MEGF11: variants seen among roughly 807,000 people sequenced by gnomAD.
The protein encoded by MEGF11 is multiple epidermal growth factor-like domains protein 11.
A neutral mutation model predicts 146.6 loss-of-function variants in MEGF11; 126 were observed. The observed-to-expected ratio is 0.86, with a 90% CI of 0.74 to 1.00. The LOEUF (loss-of-function observed/expected upper bound fraction) is 1.00. Among genes scored for constraint, MEGF11 ranks in the 50% least tolerant of loss-of-function variants. MEGF11 has a pLI of 0.00. For synonymous variants in MEGF11, 532 were observed against 583.4 expected (o/e 0.91, Z 1.27); for missense variants, 1,509 against 1,521.2 (o/e 0.99, Z 0.13).
chr15:66,167,565 A>G (rs2090130708), intron 1 of MEGF11, among the ~76,000 whole-genome samples: 1 of 152,158 alleles, frequency 6.6e-6, no homozygotes, highest in African/African-American at 2.4e-5. Flanking sequence ...GAATCGCTTG[A>G]ACCCGGGAGG....
In MEGF11 at chr15:65,957,538, C is replaced by G; in HGVS notation, c.1287+9G>C. The G allele has an allele frequency of 6.2e-7, 1 of 1,611,620 alleles. No individual in the cohort carries two copies. Among genetic ancestry groups the G allele is most frequent in the Non-Finnish European group, 8.5e-7 (1 of 1,179,014 alleles). ...TCAGGAAGGCCACGGGAGGCCCCTC[C>G]CATCTTACCATGAAGCCCGGAGCAC... On this transcript the variant is annotated intron_variant, in intron 10 of 25. Transcript: ENST00000395614.
chr15:65,964,865 AC>A (rs2141559268), intron 9 of MEGF11, 42 bp downstream of exon 9: 8 of 1,491,178 alleles, frequency 5.4e-6, no homozygotes, highest in Non-Finnish European at 5.4e-6. Context: ...CTACCTGAGC[AC>A]CCCCCGCCCT....
chr15:65,940,878 G>A (rs1204449794), intron 10 of MEGF11, among the ~76,000 whole-genome samples: 1 of 152,236 alleles, frequency 6.6e-6, no homozygotes, highest in Non-Finnish European at 1.5e-5. Context: ...GTGATCTGAG[G>A]TTACTCTGTG....
At chr15:66,096,761 G>T (rs1658107615) in intron 4 of MEGF11, among the ~76,000 whole-genome samples, 1 of 152,154 alleles carries the variant, frequency 6.6e-6, no homozygotes, top group Admixed American at 6.5e-5. Flanking sequence ...CCTGCCCCCT[G>T]CTCCCGATCC....
chr15:66,242,395 T>G (rs1278974540), intron 1 of MEGF11, among the ~76,000 whole-genome samples: 4 of 135,214 alleles, frequency 3.0e-5, no homozygotes, highest in Non-Finnish European at 4.7e-5. Flanking sequence ...AGCAGCAGAG[T>G]GAGACTCTGT....
In MEGF11 at chr15:66,016,548, C is replaced by T. The variant is rs116676692; in HGVS notation, c.395-34060G>A. 3.4e-3 allele frequency among the ~76,000 whole-genome samples: 508 copies of T among 150,552 alleles called. 2 individuals carry two copies. The highest frequency in any genetic ancestry group is 0.012 in the African/African-American group (487 of 40,826). On this transcript the variant is annotated intron_variant, in intron 5 of 25. Coordinates refer to ENST00000395614, the MANE Select transcript of MEGF11 (RefSeq NM_001385028.1). ...ACACAGTGTCTCCTCTTAGCAACGC[C>T]CTTGACAACCTGCAACACCGACAAA...
At chr15:66,246,062 A>G (rs2092292359) in intron 1 of MEGF11, among the ~76,000 whole-genome samples, 1 of 151,914 alleles carries the variant, frequency 6.6e-6, no homozygotes, top group South Asian at 2.1e-4. Context: ...GGAGTTCGAG[A>G]CCAGGCCAAC....
At chr15:66,174,310 T>C (rs956373414) in intron 1 of MEGF11, among the ~76,000 whole-genome samples, 1 of 152,166 alleles carries the variant, frequency 6.6e-6, no homozygotes, top group Non-Finnish European at 1.5e-5. Flanking sequence ...TGTTCTATTA[T>C]AAACCTCTGG....
chr15:66,052,291 G>A (rs945354948), intron 5 of MEGF11, among the ~76,000 whole-genome samples: 1 of 152,164 alleles, frequency 6.6e-6, no homozygotes, highest in Non-Finnish European at 1.5e-5. Context: ...CAGGATGGAT[G>A]GTAAATGATG....
At chr15:66,160,099 A>C (rs2089897810) in intron 1 of MEGF11, among the ~76,000 whole-genome samples, 1 of 152,184 alleles carries the variant, frequency 6.6e-6, no homozygotes, top group African/African-American at 2.4e-5. Flanking sequence ...CCAGCCCCAA[A>C]GGCTGAGTTA....
At chr15:66,209,378 C>A (rs993173832) in intron 1 of MEGF11, among the ~76,000 whole-genome samples, 4 of 151,772 alleles carry the variant, frequency 2.6e-5, no homozygotes, top group African/African-American at 9.7e-5. Flanking sequence ...AAACTAAACA[C>A]GCAAGTACCA....
At chr15:65,957,500 G>T in intron 10 of MEGF11, 47 bp downstream of exon 10, 1 of 1,572,286 alleles carries the variant, frequency 6.4e-7, no homozygotes. Flanking sequence ...GAGGGGAACT[G>T]GCCCGGTGGA....
chr15:65,917,610 G>A (rs953956165), intron 16 of MEGF11, among the ~76,000 whole-genome samples: 4 of 152,230 alleles, frequency 2.6e-5, no homozygotes, highest in South Asian at 4.2e-4. Flanking sequence ...GTGGCTGCCC[G>A]GGCCTCATCT....
intron 4 of MEGF11, among the ~76,000 whole-genome samples, chr15:66,113,368 T>G (rs2087539141): frequency 6.6e-6 from 1 of 152,166 alleles, no homozygotes. Flanking sequence ...GCCTCTGGCA[T>G]TCCAAGCCAC....
chr15:65,944,221 T>G (rs1038079313), intron 10 of MEGF11, among the ~76,000 whole-genome samples: 19 of 152,086 alleles, frequency 1.2e-4, no homozygotes, highest in African/African-American at 4.6e-4. Context: ...AGCTTTCTGT[T>G]TAGTAGATGG....
chr15:66,160,871 G>C (rs903257909), intron 1 of MEGF11, among the ~76,000 whole-genome samples: 1 of 152,164 alleles, frequency 6.6e-6, no homozygotes, highest in Admixed American at 6.5e-5. Context: ...CTAGAAGCAG[G>C]ATGGCAGCTT....
chr15:66,081,974 G>A (rs964940824), intron 5 of MEGF11, among the ~76,000 whole-genome samples: 5 of 152,164 alleles, frequency 3.3e-5, no homozygotes, highest in African/African-American at 4.8e-5. Flanking sequence ...GGAAGACACC[G>A]TGAGAAGGCA....
intron 1 of MEGF11, among the ~76,000 whole-genome samples, chr15:66,174,133 C>G (rs1027638173): frequency 4.6e-5 from 7 of 152,178 alleles, no homozygotes; most frequent in Non-Finnish European, 2.9e-5. Context: ...TGAGAACCCA[C>G]GAAAACTGCC....
intron 5 of MEGF11, among the ~76,000 whole-genome samples, chr15:66,023,161 T>A (rs1428279166): frequency 2.9e-5 from 3 of 102,368 alleles, no homozygotes; most frequent in African/African-American, 7.7e-5. Flanking sequence ...AAAAACAAAC[T>A]TGTTTGAAGC....
Sources: allele counts gnomAD v4.1 joint callset (sites outside exome capture counted in the v4.1 genomes callset), GRCh38; gene constraint gnomAD v4.1.1; transcripts MANE v1.5; gene names NCBI Gene and HGNC (gene_info 2026-07-23, HGNC 2026-07-21).